Variants in CPEB2 observed in about 807,000 individuals in gnomAD.
CPEB2 encodes cytoplasmic polyadenylation element-binding protein 2.
Under a neutral mutation model 93.6 loss-of-function variants are expected in CPEB2, and 56 were observed. The observed-to-expected ratio is 0.60, with a 90% CI of 0.48 to 0.75. The LOEUF is 0.75. CPEB2 is among the 30% of genes least tolerant of loss of function. The pLI is 0.00. For missense variants in CPEB2, 1,579 were observed against 1,395.1 expected, an observed-to-expected ratio of 1.13 and a Z score of -2.10; for synonymous variants, 764 against 586.3, an observed-to-expected ratio of 1.30 and a Z score of -4.38.
At chr4:15,021,697 G>A (rs1724836551) in intron 4 of CPEB2, among the ~76,000 whole-genome samples, 1 of 152,100 alleles carries the variant, frequency 6.6e-6, no homozygotes, top group Admixed American at 6.6e-5. Context: ...TGTTTCATGA[G>A]CAGTTAAAGG....
Position 15,003,846 on chromosome 4 carries a change from A to AC in CPEB2, c.1177dup (p.Gln393ProfsTer72). ...GGTCGGTGCAGACCGCGTCGCCGCC[A>AC]CCCCAGCCCCAGCAGCCGCCGCCGA... On this transcript the variant is annotated frameshift_variant, in exon 1 of 12. Coordinates refer to ENST00000538197, the MANE Select transcript of CPEB2 (RefSeq NM_001177382.2). LOFTEE classifies it high-confidence loss of function. 1.2e-6 allele frequency: 1 copy of AC among 856,938 alleles called. No individual in the cohort carries two copies. The highest frequency in any genetic ancestry group is 1.5e-6 in the Non-Finnish European group (1 of 652,882). 53.1% of individuals were successfully genotyped at this position (856,938 alleles called of 1,614,324 possible). A position where few individuals can be genotyped will look rare whatever the true frequency, so the allele number is the denominator to read the frequency against.
chr4:15,009,986 G>C (rs1723270282), intron 3 of CPEB2, among the ~76,000 whole-genome samples: 1 of 152,168 alleles, frequency 6.6e-6, no homozygotes, highest in South Asian at 2.1e-4. Flanking sequence ...AATGATTTTG[G>C]TGCTTAAAGA....
In CPEB2 at chr4:15,066,348, C is replaced by T. The variant is rs1729704886; in HGVS notation, c.3073C>T (p.Arg1025Cys). Residue 1025 changes from arginine to cysteine, a missense_variant, in exon 12 of 12, where the codon CGC becomes TGC. Transcript: ENST00000538197. ...HKPLVKEGADRPRQIHFRWN is the reference protein window; with the variant it reads ...HKPLVKEGADCPRQIHFRWN ...GCCATTGGTAAAGGAAGGTGCTGAT[C>T]GCCCACGTCAGATCCACTTCCGCTG... The T allele has an allele frequency of 6.2e-7, 1 of 1,611,018 alleles. No individual in the cohort carries two copies. Among genetic ancestry groups the T allele is most frequent in the African/African-American group, 1.3e-5 (1 of 74,784 alleles).
intron 4 of CPEB2, among the ~76,000 whole-genome samples, chr4:15,020,654 C>A (rs145212361): frequency 5.8e-4 from 89 of 152,178 alleles, no homozygotes; most frequent in Non-Finnish European, 1.1e-3. Flanking sequence ...TGAAGTTGTA[C>A]AGATGTGAAA....
chr4:15,028,858 A>G (rs1327699891), intron 4 of CPEB2, among the ~76,000 whole-genome samples: 1 of 152,170 alleles, frequency 6.6e-6, no homozygotes, highest in East Asian at 1.9e-4. Flanking sequence ...TCCAAATGTA[A>G]TCTGGTAATT....
chr4:15,041,808 A>G (rs982272591), intron 6 of CPEB2, among the ~76,000 whole-genome samples: 3 of 152,206 alleles, frequency 2.0e-5, no homozygotes, highest in African/African-American at 7.2e-5. Context: ...CTAGTATTTT[A>G]TATTCTTAAG....
chr4:15,004,479 T>TGA (rs112005461), intron 1 of CPEB2, 144 bp downstream of exon 1: 100,057 of 584,852 alleles, frequency 0.17, 13,194 homozygotes, highest in African/African-American at 0.5. Flanking sequence ...AGAGTGGAAC[T>TGA]GAGGGCGGAC....
In CPEB2 at chr4:15,002,620, C is replaced by G. The variant is rs1722097276; in HGVS notation, c.-54C>G. On this transcript the variant is annotated 5_prime_UTR_variant, in exon 1 of 12. Coordinates refer to ENST00000538197, the MANE Select transcript of CPEB2 (RefSeq NM_001177382.2). ...GCGCAACCCCAGCGCCGGCGGCTTC[C>G]TAGGTGGGGCAGGGGACGAGGAGCG... is the stretch of plus-strand genomic sequence containing the variant. The G allele has an allele frequency of 2.1e-6, 3 of 1,409,316 alleles. No individual in the cohort carries two copies. Among genetic ancestry groups the G allele is most frequent in the East Asian group, 2.7e-5 (1 of 36,736 alleles). The allele number at this position is 1,409,316 out of a possible 1,614,324, so 87.3% of individuals were successfully genotyped here. A position where few individuals can be genotyped will look rare whatever the true frequency, so the allele number is the denominator to read the frequency against.
chr4:15,060,274 G>A (rs1191598122), intron 10 of CPEB2, among the ~76,000 whole-genome samples: 3 of 152,056 alleles, frequency 2.0e-5, no homozygotes, highest in African/African-American at 2.4e-5. Flanking sequence ...AGACTAACTC[G>A]GTATTTATTC....
chr4:15,006,655 A>C (rs1722854511), intron 1 of CPEB2: 1 of 152,180 alleles, frequency 6.6e-6, no homozygotes, highest in African/African-American at 2.4e-5. Flanking sequence ...ATTGCTTCAC[A>C]GTTTATGGAT....
intron 10 of CPEB2, among the ~76,000 whole-genome samples, chr4:15,061,124 C>T (rs4440212): frequency 3.3e-4 from 50 of 152,138 alleles, no homozygotes; most frequent in Non-Finnish European, 5.4e-4. Context: ...TGTTAAATAT[C>T]GAGTTGTCCA....
chr4:15,032,639 T>C (rs561565295), intron 4 of CPEB2, among the ~76,000 whole-genome samples: 7 of 152,232 alleles, frequency 4.6e-5, no homozygotes, highest in African/African-American at 1.4e-4. Flanking sequence ...GATGTTTTCA[T>C]TAAACTAATT....
At chr4:15,019,039 A>G (rs1183269745) in intron 4 of CPEB2, among the ~76,000 whole-genome samples, 3 of 149,586 alleles carry the variant, frequency 2.0e-5, no homozygotes, top group Non-Finnish European at 4.5e-5. Context: ...AAAATTTTTA[A>G]GTTAGGAAAA....
At position 15,068,449 on chromosome 4, in the gene CPEB2, G is replaced by C. The variant is rs1260414769; in HGVS notation, c.*2069G>C. The C allele has an allele frequency of 6.6e-6, 1 of 151,978 alleles. No homozygotes were observed. Among genetic ancestry groups the C allele is most frequent in the Non-Finnish European group, 1.5e-5 (1 of 67,766 alleles). The allele number at this position is 151,978 out of a possible 1,614,324, so 9.4% of individuals were successfully genotyped here. ...CAAACCTTGATCCATTTTGACATTTGTTATGCACTATTTTTATATCTCTGT... is the reference window on the plus strand; with the variant it reads ...CAAACCTTGATCCATTTTGACATTTCTTATGCACTATTTTTATATCTCTGT... On this transcript the variant is annotated 3_prime_UTR_variant, in exon 12 of 12. Coordinates refer to ENST00000538197, the MANE Select transcript of CPEB2 (RefSeq NM_001177382.2).
chr4:15,009,486 C>T (rs988467719), intron 3 of CPEB2, among the ~76,000 whole-genome samples: 5 of 152,154 alleles, frequency 3.3e-5, no homozygotes, highest in African/African-American at 1.2e-4. Context: ...AGCTATTTAC[C>T]TCTACTCTCT....
In CPEB2 at chr4:15,003,942, T is replaced by G. The variant is rs1222884394; in HGVS notation, c.1269T>G (p.Ser423=). 4.1e-6 allele frequency: 5 copies of G among 1,215,616 alleles called. No homozygotes were observed. In the East Asian group the frequency reaches 1.3e-4, roughly 31 times the overall value. The allele number at this position is 1,215,616 out of a possible 1,614,324, so 75.3% of individuals were successfully genotyped here. ...PQPQPQPPGS[S]ATTPGGGSGG... ...CGCAGCCGCAGCCGCCCGGCTCGTC[T>G]GCCACCACCCCGGGCGGCGGCAGCG... Residue 423 remains serine, a synonymous_variant, in exon 1 of 12, where the codon TCT becomes TCG. Coordinates refer to ENST00000538197, the MANE Select transcript of CPEB2 (RefSeq NM_001177382.2).
intron 4 of CPEB2, among the ~76,000 whole-genome samples, chr4:15,032,884 A>G (rs1317325331): frequency 2.0e-5 from 3 of 152,188 alleles, no homozygotes; most frequent in African/African-American, 7.2e-5. Context: ...TTACATTCCA[A>G]AAATAAATAA....
intron 6 of CPEB2, among the ~76,000 whole-genome samples, chr4:15,048,074 G>A (rs1201499696): frequency 6.6e-6 from 1 of 151,842 alleles, no homozygotes; most frequent in East Asian, 1.9e-4. Context: ...TTCCTGGGGT[G>A]AACCCCACTT....
intron 4 of CPEB2, among the ~76,000 whole-genome samples, chr4:15,025,249 A>C (rs929661806): frequency 1.3e-5 from 2 of 152,114 alleles, no homozygotes; most frequent in East Asian, 3.9e-4. Flanking sequence ...AAAAATTCTC[A>C]GAACTTTCAA....
Sources: gnomAD v4.1 joint callset for allele counts (sites outside exome capture counted in the v4.1 genomes callset) on GRCh38, gnomAD v4.1.1 for gene constraint, MANE v1.5 for transcripts, NCBI Gene and HGNC (gene_info 2026-07-23, HGNC 2026-07-21) for gene names.